The following DDX20 variants were observed in gnomAD, a reference collection of about 807,000 sequenced individuals.
DDX20 encodes DEAD-box helicase 20.
DDX20 carries 61 observed loss-of-function variants against 76.4 expected under a neutral mutation model. That is an observed-to-expected ratio of 0.80 (90% CI 0.65 to 0.99). The LOEUF (loss-of-function observed/expected upper bound fraction) is 0.99, where lower values mean the gene tolerates loss of function less well. Among genes scored for constraint, DDX20 ranks in the 50% least tolerant of loss-of-function variants. The probability of loss-of-function intolerance (pLI) is 0.00; values close to 1 mark genes in which losing one functional copy is unlikely to be tolerated. For synonymous variants in DDX20, 357 were observed against 357.4 expected (o/e 1.00, Z 0.01); for missense variants, 976 against 996.8 (o/e 0.98, Z 0.28).
chr1:111,756,208 T>C lies in DDX20; in HGVS notation c.284T>C (p.Leu95Ser). Residue 95 changes from leucine (L) to serine (S), a missense_variant, in exon 1 of 11, where the codon TTG becomes TCG. By Grantham distance (145) the Leu-to-Ser change is moderately radical. This residue lies in a region of DDX20 where 343 missense variants were observed against 286.4 expected (regional missense o/e 1.20). Coordinates refer to ENST00000369702, the MANE Select transcript of DDX20 (RefSeq NM_007204.5). ...CCGGTGCAGCTCAAGGCCATCCCGT[T>C]GGGGCGCTGCGGGCTCGGTGAGAGC... Reference protein sequence around the residue: ...PSPVQLKAIPLGRCGLDLIVQ... With the variant: ...PSPVQLKAIPSGRCGLDLIVQ... 7.6e-7 allele frequency: 1 copy of C among 1,315,024 alleles called. No homozygotes were observed. The highest frequency in any genetic ancestry group is 9.8e-7 in the Non-Finnish European group (1 of 1,021,648). The allele number at this position is 1,315,024 out of a possible 1,614,324, so 81.5% of individuals were successfully genotyped here.
intron 10 of DDX20, 54 bp downstream of exon 10, chr1:111,763,061 A>C (rs1663708173): frequency 2.2e-6 from 3 of 1,354,342 alleles, no homozygotes; most frequent in Non-Finnish European, 3.1e-6. Context: ...GATAAGCATA[A>C]TAAAAATGAT....
chr1:111,757,314 G>A (rs1463388972), intron 2 of DDX20, among the ~76,000 whole-genome samples: 3 of 152,168 alleles, frequency 2.0e-5, no homozygotes, highest in Admixed American at 1.3e-4. Flanking sequence ...GCCTCCCAAA[G>A]TACTGGGATT....
rs963601494 is a variant in DDX20, at chr1:111,761,343, C to T, written c.1021+59C>T. On this transcript the variant is annotated intron_variant, in intron 7 of 10. Transcript: ENST00000369702. ...TATACTGACTTGAAGCCTCCAAAGT[C>T]AGGAGGAAAAAATACCACTTTATGA... 5 of 1,447,864 alleles carry T rather than the reference C, an allele frequency of 3.5e-6. No homozygotes were observed. In the African/African-American group the frequency reaches 4.3e-5, roughly 12 times the overall value. The allele number at this position is 1,447,864 out of a possible 1,614,324, so 89.7% of individuals were successfully genotyped here. A position where few individuals can be genotyped will look rare whatever the true frequency, so the allele number is the denominator to read the frequency against.
At chr1:111,759,710 C>G (rs529750977) in intron 3 of DDX20, 142 bp downstream of exon 3, 1 of 888,358 alleles carries the variant, frequency 1.1e-6, no homozygotes, top group African/African-American at 1.7e-5. Flanking sequence ...CGCGGTGGCT[C>G]ACGCCTGTAA....
At chr1:111,758,893 G>C (rs1663617422) in intron 2 of DDX20, among the ~76,000 whole-genome samples, 1 of 152,192 alleles carries the variant, frequency 6.6e-6, no homozygotes, top group Non-Finnish European at 1.5e-5. Context: ...CTAGCACAGA[G>C]TAGGTTCTTA....
intron 8 of DDX20, 85 bp downstream of exon 8, chr1:111,762,422 T>C: frequency 8.9e-7 from 1 of 1,119,498 alleles, no homozygotes; most frequent in East Asian, 2.4e-5. Context: ...TATTATTTTA[T>C]GTAGGCGTAT....
At chr1:111,762,834 A>G in intron 9 of DDX20, 52 bp downstream of exon 9, 2 of 1,521,002 alleles carry the variant, frequency 1.3e-6, no homozygotes, top group Non-Finnish European at 1.8e-6. Context: ...AGGGATCTAT[A>G]ATGTGACAGG....
Position 111,762,783 on chromosome 1 carries a change from G to C in DDX20, c.1210+1G>C. On this transcript the variant is annotated splice_donor_variant, in intron 9 of 10. Coordinates refer to ENST00000369702, the MANE Select transcript of DDX20 (RefSeq NM_007204.5). LOFTEE classifies it high-confidence loss of function. ...CGGATTGGGAGAGCTGGCCGTTTTGGTAAAAAAAAAAAAAAAAGTTTGAGT... is the reference window on the plus strand; with the variant it reads ...CGGATTGGGAGAGCTGGCCGTTTTGCTAAAAAAAAAAAAAAAAGTTTGAGT... 6.4e-7 allele frequency: 1 copy of C among 1,565,690 alleles called. No homozygotes were observed. Among genetic ancestry groups the C allele is most frequent in the South Asian group, 1.1e-5 (1 of 88,178 alleles).
intron 2 of DDX20, among the ~76,000 whole-genome samples, chr1:111,759,139 T>C (rs1044023768): frequency 6.6e-6 from 1 of 152,230 alleles, no homozygotes; most frequent in Non-Finnish European, 1.5e-5. Context: ...GTTTAAAATA[T>C]GTGGGAGGAT....
chr1:111,758,832 GC>G, intron 2 of DDX20, among the ~76,000 whole-genome samples: 1 of 152,078 alleles, frequency 6.6e-6, no homozygotes, highest in Non-Finnish European at 1.5e-5. Flanking sequence ...TACCATGAGG[GC>G]AAAGACTTTG....
chr1:111,760,077 A>G (rs925112028), intron 3 of DDX20, among the ~76,000 whole-genome samples: 1 of 151,840 alleles, frequency 6.6e-6, no homozygotes, highest in Non-Finnish European at 1.5e-5. Context: ...ATTCCTAAGT[A>G]TGTTTGAGAA....
chr1:111,756,737 C>G lies in DDX20; in HGVS notation c.393C>G (p.Thr131=). The G allele has an allele frequency of 1.2e-6, 2 of 1,613,376 alleles. No homozygotes were observed. Among genetic ancestry groups the G allele is most frequent in the Admixed American group, 1.7e-5 (1 of 60,010 alleles). Residue 131 remains threonine, a synonymous_variant, in exon 2 of 11, where the codon ACC becomes ACG. Coordinates refer to ENST00000369702, the MANE Select transcript of DDX20 (RefSeq NM_007204.5). ...LDSLVLENLS[T]QILILAPTRE... The stretch of plus-strand genomic sequence containing the variant: ...CTCTTGTTCTTGAAAACTTAAGTAC[C>G]CAGGTGAGTTAGCTGAGAGGACCAG...
At position 111,765,828 on chromosome 1, in the gene DDX20, T is replaced by G. The variant is rs184175462; in HGVS notation, c.1404T>G (p.Pro468=). The change falls in exon 11 of 11, where the codon CCT becomes CCG. Residue 468 remains proline (P), a synonymous_variant. Transcript: ENST00000369702. ...ATACATATGGTATAGCAAGTGTACC[T>G]AACCAACCCTTAAAAAAGCAAATTC... ...AVHTYGIASV[P]NQPLKKQIQK... 1 of 1,614,146 alleles carries G rather than the reference T, an allele frequency of 6.2e-7. No individual in the cohort carries two copies. Among genetic ancestry groups the G allele is most frequent in the African/African-American group, 1.3e-5 (1 of 75,042 alleles).
chr1:111,758,353 CCT>C (rs1491431886), intron 2 of DDX20, among the ~76,000 whole-genome samples: 1 of 113,000 alleles, frequency 8.8e-6, no homozygotes, highest in African/African-American at 4.3e-5. Context: ...TTCTCCTAGT[CCT>C]TTTTTTTTTT....
At chr1:111,765,671 C>A in intron 10 of DDX20, 66 bp from the exon 11 acceptor site, 1 of 1,318,642 alleles carries the variant, frequency 7.6e-7, no homozygotes, top group Non-Finnish European at 1.0e-6. Context: ...TTTATGAAAT[C>A]ATTCAGAAAA....
At position 111,762,931 on chromosome 1, in the gene DDX20, C is replaced by T. The variant is rs1333954597; in HGVS notation, c.1236C>T (p.Tyr412=). 5 of 1,614,040 alleles carry T rather than the reference C, an allele frequency of 3.1e-6. No individual in the cohort carries two copies. In the East Asian group the frequency reaches 1.1e-4, roughly 36 times the overall value. Residue 412 remains tyrosine, a synonymous_variant, in exon 10 of 11, where the codon TAC becomes TAT. Transcript: ENST00000369702. ...GTACATTGGGGCTGACAGTGACCTA[C>T]TGTTGCCGGGGAGAGGAAGAAAATA... ...RFGTLGLTVT[Y]CCRGEEENMM...
At chr1:111,756,619 A>G (rs1310802567) in intron 1 of DDX20, 27 bp from the exon 2 acceptor site, 4 of 1,600,804 alleles carry the variant, frequency 2.5e-6, no homozygotes, top group Non-Finnish European at 3.4e-6. Context: ...AGTACTGGCT[A>G]GTGATAATTG....
At position 111,766,657 on chromosome 1, in the gene DDX20, A is replaced by G. The variant is rs1663787539; in HGVS notation, c.2233A>G (p.Arg745Gly). ...AAACCTACCCAGGCGGTCTTCCTTC[A>G]GATTGCAGACTGAAGCCCAGGAAGA... ...RRNLPRRSSFRLQTEAQEDDW... is the reference protein window; with the variant it reads ...RRNLPRRSSFGLQTEAQEDDW... Residue 745 changes from arginine (R) to glycine (G), a missense_variant, in exon 11 of 11, where the codon AGA becomes GGA. Transcript: ENST00000369702. 1.2e-6 allele frequency: 2 copies of G among 1,614,086 alleles called. No individual in the cohort carries two copies. Among genetic ancestry groups the G allele is most frequent in the African/African-American group, 1.3e-5 (1 of 74,938 alleles).
chr1:111,762,165 C>A, intron 7 of DDX20, 90 bp from the exon 8 acceptor site: 2 of 944,466 alleles, frequency 2.1e-6, no homozygotes, highest in East Asian at 2.5e-5. Context: ...AGTGTTAAGA[C>A]TGGGTGTTAT....
Sources: allele counts gnomAD v4.1 joint callset (sites outside exome capture counted in the v4.1 genomes callset), GRCh38; gene constraint gnomAD v4.1.1; regional missense constraint gnomAD v4.1.1; transcripts MANE v1.5; gene names NCBI Gene and HGNC (gene_info 2026-07-23, HGNC 2026-07-21).